The following CTNND2 variants were observed in gnomAD, a reference collection of about 807,000 sequenced individuals.
CTNND2 encodes catenin delta-2.
CTNND2 carries 22 observed loss-of-function variants against 144.4 expected under a neutral mutation model. The ratio of observed to expected loss-of-function variants is 0.15; its 90% CI spans 0.11 to 0.22. The LOEUF (loss-of-function observed/expected upper bound fraction) is 0.22. Among genes scored for constraint, CTNND2 ranks in the 10% least tolerant of loss-of-function variants. The pLI is 1.00. For missense variants in CTNND2, 1,353 were observed against 1,618.8 expected (o/e 0.84, Z 2.82); for synonymous variants, 751 against 695.6 (o/e 1.08, Z -1.25).
intron 1 of CTNND2, among the ~76,000 whole-genome samples, chr5:11,857,255 G>A (rs1411264474): frequency 1.3e-5 from 2 of 152,166 alleles, no homozygotes; most frequent in African/African-American, 4.8e-5. Flanking sequence ...AAAAGAGTCC[G>A]GGATGATGAG....
intron 9 of CTNND2, among the ~76,000 whole-genome samples, chr5:11,328,982 C>A (rs1752811647): frequency 6.6e-6 from 1 of 152,192 alleles, no homozygotes; most frequent in South Asian, 2.1e-4. Context: ...CAAGTCCTGG[C>A]AGCTTACATG....
chr5:11,088,712 A>C (rs891942555), intron 15 of CTNND2, among the ~76,000 whole-genome samples: 5 of 152,206 alleles, frequency 3.3e-5, no homozygotes, highest in African/African-American at 1.2e-4. Flanking sequence ...TGCAACTATA[A>C]GGCAAAGTTT....
chr5:11,895,290 T>C, intron 1 of CTNND2, among the ~76,000 whole-genome samples: 1 of 152,294 alleles, frequency 6.6e-6, no homozygotes, highest in South Asian at 2.1e-4. Flanking sequence ...CAGAAAAGCA[T>C]CTGGCATCTG....
chr5:11,880,088 G>C (rs967661202), intron 1 of CTNND2, among the ~76,000 whole-genome samples: 3 of 152,030 alleles, frequency 2.0e-5, no homozygotes, highest in African/African-American at 7.2e-5. Context: ...TTACTCTTGT[G>C]GGCTGCTGAA....
chr5:11,697,889 C>T (rs1417495425), intron 2 of CTNND2, among the ~76,000 whole-genome samples: 4 of 152,178 alleles, frequency 2.6e-5, no homozygotes, highest in Non-Finnish European at 5.9e-5. Flanking sequence ...GCAAACAGCA[C>T]ATCTAACACC....
At chr5:11,315,693 T>C (rs1425666238) in intron 9 of CTNND2, among the ~76,000 whole-genome samples, 1 of 152,184 alleles carries the variant, frequency 6.6e-6, no homozygotes, top group South Asian at 2.1e-4. Context: ...TGTTAGACTT[T>C]TGTTATGAAA....
At chr5:11,825,414 G>T (rs1163007383) in intron 1 of CTNND2, among the ~76,000 whole-genome samples, 3 of 152,024 alleles carry the variant, frequency 2.0e-5, no homozygotes, top group Non-Finnish European at 4.4e-5. Context: ...TCTTTAAAAA[G>T]AATTTAAAAA....
intron 16 of CTNND2, among the ~76,000 whole-genome samples, chr5:11,079,286 G>A (rs1749293444): frequency 8.2e-6 from 1 of 122,110 alleles, no homozygotes; most frequent in Non-Finnish European, 1.6e-5. Context: ...CACGGGGGTT[G>A]GTCCAGCTCC....
intron 2 of CTNND2, among the ~76,000 whole-genome samples, chr5:11,623,776 C>A: frequency 7.9e-6 from 1 of 126,474 alleles, no homozygotes; most frequent in Admixed American, 8.4e-5. Flanking sequence ...AAGAAGAAGA[C>A]CTAACTATCG....
At chr5:11,258,045 T>G (rs1413685812) in intron 9 of CTNND2, among the ~76,000 whole-genome samples, 3 of 152,192 alleles carry the variant, frequency 2.0e-5, no homozygotes, top group Non-Finnish European at 4.4e-5. Context: ...ATCTGGTGTC[T>G]CAGTCAAACT....
At chr5:11,410,521 C>T (rs2149836226) in intron 5 of CTNND2, among the ~76,000 whole-genome samples, 1 of 152,030 alleles carries the variant, frequency 6.6e-6, no homozygotes, top group Middle Eastern at 3.4e-3. Context: ...CAGGATAATA[C>T]CTATTTTAAT....
chr5:11,345,830 C>T (rs1754720813), intron 9 of CTNND2, among the ~76,000 whole-genome samples: 1 of 151,508 alleles, frequency 6.6e-6, no homozygotes, highest in South Asian at 2.1e-4. Flanking sequence ...TCCATAACAA[C>T]AATTTCTCTA....
chr5:11,783,958 G>A (rs1381815020), intron 1 of CTNND2, among the ~76,000 whole-genome samples: 1 of 152,200 alleles, frequency 6.6e-6, no homozygotes, highest in Non-Finnish European at 1.5e-5. Flanking sequence ...GAGTCAGGGA[G>A]TAGACTTGTG....
chr5:11,660,637 A>G (rs182803249), intron 2 of CTNND2, among the ~76,000 whole-genome samples: 31 of 152,252 alleles, frequency 2.0e-4, no homozygotes, highest in African/African-American at 7.5e-4. Flanking sequence ...TTGGGAGGAA[A>G]AACAAGTTGA....
At chr5:11,370,268 T>A (rs1054232092) in intron 7 of CTNND2, among the ~76,000 whole-genome samples, 2 of 151,910 alleles carry the variant, frequency 1.3e-5, no homozygotes, top group African/African-American at 4.8e-5. Flanking sequence ...CTAGAAAACT[T>A]GCTGAAAATG....
Position 11,903,366 on chromosome 5 carries a change from T to C in CTNND2, c.37+451A>G. On this transcript the variant is annotated intron_variant, in intron 1 of 21. Coordinates refer to ENST00000304623, the MANE Select transcript of CTNND2 (RefSeq NM_001332.4). The surrounding 1 kb of genome is among the most constrained non-coding windows in gnomAD (Gnocchi z 5.4). ...CATATGACTAAGTCTTTCCATTTTG[T>C]TCTAGCCAAACATCGTAATGACATT... 1 of 994,560 alleles carries C rather than the reference T, an allele frequency of 1.0e-6. No individual in the cohort carries two copies. The highest frequency in any genetic ancestry group is 1.2e-6 in the Non-Finnish European group (1 of 836,390). The allele number at this position is 994,560 out of a possible 1,614,324, so 61.6% of individuals were successfully genotyped here.
intron 2 of CTNND2, among the ~76,000 whole-genome samples, chr5:11,715,343 A>G (rs983447336): frequency 8.0e-5 from 12 of 150,402 alleles, no homozygotes; most frequent in Admixed American, 3.3e-4. Context: ...TCTGTTGGGG[A>G]AAAAAAACAA....
chr5:11,358,521 A>G (rs1255770930), intron 8 of CTNND2, among the ~76,000 whole-genome samples: 1 of 152,222 alleles, frequency 6.6e-6, no homozygotes, highest in African/African-American at 2.4e-5. Flanking sequence ...AATAGGAAGC[A>G]CTTGATTTAA....
intron 1 of CTNND2, among the ~76,000 whole-genome samples, chr5:11,812,143 T>G (rs559525178): frequency 6.6e-6 from 1 of 152,182 alleles, no homozygotes; most frequent in East Asian, 1.9e-4. Context: ...AGGAGAGAAA[T>G]AAACCATAAA....
Sources: allele counts gnomAD v4.1 joint callset (sites outside exome capture counted in the v4.1 genomes callset), GRCh38; gene constraint gnomAD v4.1.1; non-coding constraint Gnocchi (gnomAD v3.1); transcripts MANE v1.5; gene names NCBI Gene and HGNC (gene_info 2026-07-23, HGNC 2026-07-21).